The following NTRK3 variants were observed in gnomAD, a reference collection of about 807,000 sequenced individuals.
NTRK3 encodes the protein neurotrophic receptor tyrosine kinase 3.
NTRK3 carries 24 observed loss-of-function variants against 91.7 expected under a neutral mutation model. That is an observed-to-expected ratio of 0.26 (90% CI 0.19 to 0.37). The LOEUF is 0.37. Ranked by LOEUF, NTRK3 falls within the 10% of genes least tolerant of loss-of-function variation. The pLI is 1.00. For synonymous variants in NTRK3, 483 were observed against 404.0 expected (o/e 1.20, Z -2.34); for missense variants, 880 against 1,068.9 (o/e 0.82, Z 2.46).
intron 17 of NTRK3, among the ~76,000 whole-genome samples, chr15:87,902,122 C>T (rs909872971): frequency 6.6e-6 from 1 of 152,126 alleles, no homozygotes; most frequent in Non-Finnish European, 1.5e-5. Flanking sequence ...AAGATGGGAA[C>T]CTACACCAGC....
intron 5 of NTRK3, among the ~76,000 whole-genome samples, chr15:88,170,927 G>A (rs1212142500): frequency 6.6e-6 from 1 of 152,150 alleles, no homozygotes; most frequent in Non-Finnish European, 1.5e-5. Flanking sequence ...GCCCTCAGTG[G>A]TGCCTTCCAC....
chr15:87,943,574 C>G (rs2070118869), intron 14 of NTRK3, among the ~76,000 whole-genome samples: 1 of 152,144 alleles, frequency 6.6e-6, no homozygotes, highest in Non-Finnish European at 1.5e-5. Flanking sequence ...AACACTCACT[C>G]CCAGCTACAA....
At chr15:88,061,605 G>A (rs1004666881) in intron 13 of NTRK3, among the ~76,000 whole-genome samples, 3 of 152,242 alleles carry the variant, frequency 2.0e-5, no homozygotes, top group Non-Finnish European at 4.4e-5. Flanking sequence ...GGACACTCAC[G>A]CCCCCGCAGG....
intron 17 of NTRK3, among the ~76,000 whole-genome samples, chr15:87,918,198 T>C (rs1275259688): frequency 6.6e-6 from 1 of 152,166 alleles, no homozygotes; most frequent in Non-Finnish European, 1.5e-5. Context: ...TGCAATGGCC[T>C]GCCTTTATGG....
intron 13 of NTRK3, among the ~76,000 whole-genome samples, chr15:88,108,850 C>A (rs1424985979): frequency 6.6e-6 from 1 of 152,188 alleles, no homozygotes; most frequent in Non-Finnish European, 1.5e-5. Flanking sequence ...CCAGACCTAT[C>A]AAACCAGAAT....
intron 13 of NTRK3, chr15:88,099,386 A>G (rs2049950609): frequency 1.1e-5 from 2 of 188,374 alleles, no homozygotes; most frequent in South Asian, 3.9e-4. Flanking sequence ...GCTAAAAGCT[A>G]AAAAAGTCTC....
At chr15:87,893,948 C>T (rs2065974492) in intron 17 of NTRK3, among the ~76,000 whole-genome samples, 1 of 152,200 alleles carries the variant, frequency 6.6e-6, no homozygotes, top group African/African-American at 2.4e-5. Context: ...TTGGAGGAGA[C>T]AACTCTGAAG....
intron 3 of NTRK3, among the ~76,000 whole-genome samples, chr15:88,250,378 T>A (rs2053228885): frequency 6.6e-6 from 1 of 152,236 alleles, no homozygotes. Flanking sequence ...TGCTTTTATA[T>A]GCCAAGCAAC....
chr15:88,021,579 C>T (rs1245394982), intron 14 of NTRK3, among the ~76,000 whole-genome samples: 2 of 141,982 alleles, frequency 1.4e-5, no homozygotes, highest in African/African-American at 2.6e-5. Flanking sequence ...AATTATTTTA[C>T]CATGAAACTT....
At chr15:88,029,666 C>T (rs2078357143) in intron 14 of NTRK3, among the ~76,000 whole-genome samples, 2 of 152,226 alleles carry the variant, frequency 1.3e-5, no homozygotes, top group South Asian at 4.1e-4. Context: ...TTTTTATTCT[C>T]TTAACCTTCC....
intron 3 of NTRK3, among the ~76,000 whole-genome samples, chr15:88,200,191 T>G (rs1039352402): frequency 6.6e-6 from 1 of 152,220 alleles, no homozygotes; most frequent in Admixed American, 6.5e-5. Context: ...CAGAAGCCAC[T>G]CATCAGTTCC....
At chr15:87,964,757 G>A (rs778267464) in intron 14 of NTRK3, among the ~76,000 whole-genome samples, 1 of 152,168 alleles carries the variant, frequency 6.6e-6, no homozygotes. Context: ...GATGTTTTGT[G>A]TCCAGCTACT....
intron 6 of NTRK3, among the ~76,000 whole-genome samples, chr15:88,143,702 A>G (rs901116497): frequency 1.3e-5 from 2 of 152,190 alleles, no homozygotes; most frequent in African/African-American, 4.8e-5. Context: ...TAGTAATACT[A>G]TTAGTAACAT....
At chr15:88,094,575 A>C (rs2049389566) in intron 13 of NTRK3, among the ~76,000 whole-genome samples, 1 of 152,140 alleles carries the variant, frequency 6.6e-6, no homozygotes, top group South Asian at 2.1e-4. Flanking sequence ...CTGAGAAGGA[A>C]GAATGAGATC....
At chr15:88,203,384 C>T (rs1426298) in intron 3 of NTRK3, among the ~76,000 whole-genome samples, 1,785 of 152,274 alleles carry the variant, frequency 0.012, 47 homozygotes, top group African/African-American at 0.041. Context: ...CCCCAATAAT[C>T]CACTTAAAAG....
intron 5 of NTRK3, among the ~76,000 whole-genome samples, chr15:88,166,768 C>G (rs888849682): frequency 2.6e-5 from 4 of 152,178 alleles, no homozygotes; most frequent in Non-Finnish European, 4.4e-5. Context: ...ATGAATAAAT[C>G]TCTTCAGTAG....
intron 14 of NTRK3, among the ~76,000 whole-genome samples, chr15:87,942,906 T>A (rs544284845): frequency 4.6e-5 from 7 of 152,298 alleles, no homozygotes; most frequent in African/African-American, 1.4e-4. Flanking sequence ...AAATCAGGCA[T>A]CCGCACCTGG....
intron 17 of NTRK3, among the ~76,000 whole-genome samples, chr15:87,884,137 T>C (rs947963498): frequency 1.3e-5 from 2 of 151,574 alleles, no homozygotes; most frequent in Non-Finnish European, 3.0e-5. Flanking sequence ...AGAATTGATC[T>C]ACACAATCAA....
At chr15:88,014,108 C>T (rs374164414) in intron 14 of NTRK3, among the ~76,000 whole-genome samples, 13 of 152,184 alleles carry the variant, frequency 8.5e-5, no homozygotes, top group East Asian at 5.8e-4. Flanking sequence ...TGTTGGAACA[C>T]GCTACTTGAT....
Sources: gnomAD v4.1 joint callset for allele counts (sites outside exome capture counted in the v4.1 genomes callset) on GRCh38, gnomAD v4.1.1 for gene constraint, MANE v1.5 for transcripts, NCBI Gene and HGNC (gene_info 2026-07-23, HGNC 2026-07-21) for gene names.